CNTN4: variants seen among roughly 807,000 people sequenced by gnomAD.
CNTN4 encodes contactin 4.
In CNTN4, 77 loss-of-function variants were observed where a neutral mutation model predicts 122.5. That is an observed-to-expected ratio of 0.63 (90% CI 0.52 to 0.76). The LOEUF (loss-of-function observed/expected upper bound fraction) is 0.76. CNTN4 is among the 30% of genes least tolerant of loss of function. The probability of loss-of-function intolerance (pLI) is 0.00; values close to 1 mark genes in which losing one functional copy is unlikely to be tolerated. For missense variants in CNTN4, 1,256 were observed against 1,259.1 expected (o/e 1.00, Z 0.04); for synonymous variants, 512 against 447.0 (o/e 1.15, Z -1.83).
chr3:2,919,741 G>C (rs900452073), intron 12 of CNTN4, among the ~76,000 whole-genome samples: 33 of 152,184 alleles, frequency 2.2e-4, no homozygotes, highest in Non-Finnish European at 4.4e-5. Context: ...TGTGATTACA[G>C]AGTGTTTAAA....
chr3:2,618,616 C>A (rs1316141421), intron 4 of CNTN4, among the ~76,000 whole-genome samples: 2 of 152,006 alleles, frequency 1.3e-5, no homozygotes, highest in Admixed American at 6.6e-5. Context: ...TCAAGGTGCC[C>A]CAAATAGTAG....
intron 4 of CNTN4, among the ~76,000 whole-genome samples, chr3:2,609,473 A>G (rs189053780): frequency 7.5e-4 from 115 of 152,320 alleles, no homozygotes; most frequent in African/African-American, 2.6e-3. Context: ...AGCTTCAGGT[A>G]TTTTGTTATA....
At chr3:2,505,216 T>C (rs946630357) in intron 3 of CNTN4, among the ~76,000 whole-genome samples, 1 of 152,174 alleles carries the variant, frequency 6.6e-6, no homozygotes, top group Non-Finnish European at 1.5e-5. Flanking sequence ...TTCACTCAAA[T>C]GACTTTCTAA....
At chr3:2,731,494 C>T (rs2088678698) in intron 4 of CNTN4, among the ~76,000 whole-genome samples, 1 of 152,160 alleles carries the variant, frequency 6.6e-6, no homozygotes, top group Non-Finnish European at 1.5e-5. Context: ...ACTAGATCCT[C>T]CAAGCTGTGT....
chr3:2,623,231 ATTT>A (rs11315990), intron 4 of CNTN4, among the ~76,000 whole-genome samples: 76 of 146,678 alleles, frequency 5.2e-4, no homozygotes, highest in African/African-American at 1.8e-3. Context: ...ATGGAGACTA[ATTT>A]TTTTTTTTTT....
intron 12 of CNTN4, among the ~76,000 whole-genome samples, chr3:2,918,045 A>G (rs1390990087): frequency 1.3e-5 from 2 of 152,180 alleles, no homozygotes; most frequent in African/African-American, 2.4e-5. Flanking sequence ...GCTTTTGGTA[A>G]AGTCTTTTGA....
intron 2 of CNTN4, among the ~76,000 whole-genome samples, chr3:2,194,359 A>G (rs777334551): frequency 1.3e-5 from 2 of 151,994 alleles, no homozygotes; most frequent in Non-Finnish European, 2.9e-5. Context: ...TCCTCAGGAA[A>G]CTGAGGCCCA....
chr3:2,244,674 T>C (rs369538153), intron 2 of CNTN4, among the ~76,000 whole-genome samples: 7 of 152,012 alleles, frequency 4.6e-5, no homozygotes, highest in Non-Finnish European at 8.8e-5. Context: ...TATATTTCCA[T>C]TGGACAGTCC....
intron 2 of CNTN4, among the ~76,000 whole-genome samples, chr3:2,253,852 G>A (rs553387197): frequency 2.7e-5 from 4 of 145,628 alleles, no homozygotes; most frequent in Non-Finnish European, 4.5e-5. Flanking sequence ...CTGCATAGTT[G>A]ATATGTGTCC....
chr3:2,177,609 T>A (rs2149268247), intron 2 of CNTN4, among the ~76,000 whole-genome samples: 1 of 152,092 alleles, frequency 6.6e-6, no homozygotes, highest in Middle Eastern at 3.4e-3. Flanking sequence ...ATGCTCTATA[T>A]GCCAGGGCTC....
At chr3:2,778,890 A>G (rs1011235426) in intron 6 of CNTN4, among the ~76,000 whole-genome samples, 10 of 152,302 alleles carry the variant, frequency 6.6e-5, no homozygotes, top group East Asian at 3.9e-4. Context: ...GACTGTCACA[A>G]TATTCCCAGG....
intron 24 of CNTN4, among the ~76,000 whole-genome samples, chr3:3,054,676 G>T (rs1022813285): frequency 6.6e-6 from 1 of 152,216 alleles, no homozygotes; most frequent in African/African-American, 2.4e-5. Flanking sequence ...AGTGAGGCTA[G>T]TGATTGGCAG....
chr3:2,377,167 A>C (rs2045851468), intron 3 of CNTN4, among the ~76,000 whole-genome samples: 2 of 151,956 alleles, frequency 1.3e-5, no homozygotes, highest in Admixed American at 1.3e-4. Context: ...GGAAAAAAAA[A>C]AAAAAAAGAA....
rs546605188 is a variant in CNTN4 at position 2,933,113 on chromosome 3, C to T, written c.1358+7334C>T. Among the ~76,000 whole-genome samples, 29 of 152,268 alleles carry T rather than the reference C, an allele frequency of 1.9e-4. No homozygotes were observed. In the South Asian group the frequency reaches 5.4e-3, roughly 28 times the overall value. On this transcript the variant is annotated intron_variant, in intron 13 of 24. Coordinates refer to ENST00000418658, the MANE Select transcript of CNTN4 (RefSeq NM_175607.3). ...CTGGGATTACAGGTGTGAGCCACCG[C>T]GCCCGGCCCAGATGGTTACATTTTT...
chr3:2,640,937 A>G (rs1398259861), intron 4 of CNTN4, among the ~76,000 whole-genome samples: 1 of 152,170 alleles, frequency 6.6e-6, no homozygotes, highest in Non-Finnish European at 1.5e-5. Context: ...AGTGCTGGAC[A>G]GAGGATAAGA....
intron 3 of CNTN4, among the ~76,000 whole-genome samples, chr3:2,524,549 C>T (rs991168751): frequency 1.6e-4 from 25 of 151,990 alleles, no homozygotes; most frequent in Non-Finnish European, 3.5e-4. Context: ...CACTGAAATA[C>T]AGTGGATGTA....
intron 3 of CNTN4, among the ~76,000 whole-genome samples, chr3:2,418,781 T>C (rs1391124972): frequency 6.6e-6 from 1 of 152,222 alleles, no homozygotes; most frequent in Non-Finnish European, 1.5e-5. Flanking sequence ...TTGATGAAAG[T>C]AATCAGTAAC....
intron 4 of CNTN4, among the ~76,000 whole-genome samples, chr3:2,732,502 A>AT (rs956688332): frequency 2.8e-5 from 4 of 141,446 alleles, no homozygotes; most frequent in African/African-American, 6.3e-5. Context: ...ACTTACTGTG[A>AT]TAAAAAAAAA....
At chr3:2,153,012 CAGAATCA>C (rs2035563124) in intron 2 of CNTN4, among the ~76,000 whole-genome samples, 2 of 152,154 alleles carry the variant, frequency 1.3e-5, no homozygotes, top group South Asian at 4.1e-4. Context: ...CCAGACCCTA[CAGAATCA>C]AGAGAATTAA....
Sources: allele counts gnomAD v4.1 joint callset (sites outside exome capture counted in the v4.1 genomes callset), GRCh38; gene constraint gnomAD v4.1.1; transcripts MANE v1.5; gene names NCBI Gene and HGNC (gene_info 2026-07-23, HGNC 2026-07-21).